The following TNKS variants were observed in gnomAD, a reference collection of about 807,000 sequenced individuals.
TNKS encodes tankyrase.
TNKS carries 72 observed loss-of-function variants against 135.8 expected under a neutral mutation model. That is an observed-to-expected ratio of 0.53 (90% CI 0.44 to 0.64). The LOEUF (loss-of-function observed/expected upper bound fraction) is 0.64, where lower values mean the gene tolerates loss of function less well. TNKS is among the 30% of genes least tolerant of loss of function. TNKS has a pLI of 0.00. For synonymous variants in TNKS, 849 were observed against 649.3 expected, an observed-to-expected ratio of 1.31 and a Z score of -4.68; for missense variants, 1,769 against 1,674.0, an observed-to-expected ratio of 1.06 and a Z score of -0.99.
At chr8:9,731,939 C>T (rs1229329856) in intron 14 of TNKS, among the ~76,000 whole-genome samples, 1 of 152,114 alleles carries the variant, frequency 6.6e-6, no homozygotes, top group African/African-American at 2.4e-5. Flanking sequence ...AGGCGCCCGT[C>T]ACCACGCCCG....
intron 3 of TNKS, among the ~76,000 whole-genome samples, chr8:9,667,241 G>A (rs1205867233): frequency 6.6e-6 from 1 of 152,146 alleles, no homozygotes; most frequent in East Asian, 1.9e-4. Flanking sequence ...ACTCATTTTT[G>A]TTTAAACCAG....
chr8:9,687,967 G>T (rs142145429), intron 5 of TNKS, among the ~76,000 whole-genome samples: 93 of 152,298 alleles, frequency 6.1e-4, no homozygotes, highest in African/African-American at 2.1e-3. Context: ...AACTACAGCA[G>T]TAGCTGGAAA....
chr8:9,670,836 A>G (rs935961557), intron 3 of TNKS: 1 of 152,202 alleles, frequency 6.6e-6, no homozygotes, highest in South Asian at 2.1e-4. Context: ...TTTTTAGTTT[A>G]TGTGTTATCC....
At chr8:9,665,838 A>G (rs1418460312) in intron 3 of TNKS, among the ~76,000 whole-genome samples, 1 of 152,124 alleles carries the variant, frequency 6.6e-6, no homozygotes, top group African/African-American at 2.4e-5. Context: ...GAAAGGCCTC[A>G]TGTTGCCTTA....
At chr8:9,647,906 G>A (rs1800976490) in intron 3 of TNKS, among the ~76,000 whole-genome samples, 2 of 152,190 alleles carry the variant, frequency 1.3e-5, no homozygotes, top group South Asian at 4.1e-4. Flanking sequence ...ATATGGTATA[G>A]CCTGTTGCTC....
At position 9,746,881 on chromosome 8, in the gene TNKS, C is replaced by CTTTTTTTTTTTTTTTTTT. The variant is rs10672387; in HGVS notation, c.2644-1141_2644-1124dup. On this transcript the variant is annotated intron_variant, in intron 17 of 26. Coordinates refer to ENST00000310430, the MANE Select transcript of TNKS (RefSeq NM_003747.3). ...TCTGAGAGTTTCATACCTACTTAAA[C>CTTTTTTTTTTTTTTTTTT]TTTTTTTTTTTTTTTTTTTGAGACG... is the stretch of plus-strand genomic sequence containing the variant. 4.5e-4 allele frequency among the ~76,000 whole-genome samples: 53 copies of CTTTTTTTTTTTTTTTTTT among 117,186 alleles called. 2 individuals carry two copies. The highest frequency in any genetic ancestry group is 1.9e-3 in the African/African-American group (53 of 27,536). The allele number at this position is 117,186 out of a possible 152,430, so 76.9% of individuals were successfully genotyped here.
Position 9,629,733 on chromosome 8 carries a change from A to C in TNKS, c.994+14056A>C, listed in dbSNP as rs534362693. Among the ~76,000 whole-genome samples, 92 of 152,318 alleles carry C rather than the reference A, an allele frequency of 6.0e-4. No homozygotes were observed. The South Asian group carries it at 9.3e-3, about 15-fold the overall frequency. Reference sequence around the variant, plus strand: ...AGTCTCGCTCTGTCGCCCAGGCTGGAGTGCAGTGGTGTCATCTCGGCTCAC... The same window carrying C: ...AGTCTCGCTCTGTCGCCCAGGCTGGCGTGCAGTGGTGTCATCTCGGCTCAC... On this transcript the variant is annotated intron_variant, in intron 3 of 26. Coordinates refer to ENST00000310430, the MANE Select transcript of TNKS (RefSeq NM_003747.3).
At chr8:9,628,557 A>C (rs965051940) in intron 3 of TNKS, among the ~76,000 whole-genome samples, 1 of 151,250 alleles carries the variant, frequency 6.6e-6, no homozygotes, top group African/African-American at 2.4e-5. Flanking sequence ...CTTTCTCATG[A>C]TGATTCTTTC....
intron 3 of TNKS, among the ~76,000 whole-genome samples, chr8:9,623,164 A>T (rs1276982925): frequency 6.6e-6 from 1 of 152,192 alleles, no homozygotes; most frequent in South Asian, 2.1e-4. Flanking sequence ...GATAATGGGG[A>T]ATATCATAAA....
intron 21 of TNKS, 130 bp from the exon 22 acceptor site, chr8:9,763,017 T>A (rs1426294365): frequency 2.4e-6 from 1 of 417,444 alleles, no homozygotes; most frequent in Admixed American, 4.3e-5. Flanking sequence ...AGGTTCAAAT[T>A]GCAGATAGTT....
intron 3 of TNKS, among the ~76,000 whole-genome samples, chr8:9,664,814 G>A (rs913049860): frequency 5.9e-5 from 9 of 152,150 alleles, no homozygotes; most frequent in African/African-American, 2.2e-4. Context: ...GACTCTAGAA[G>A]AGACCTTAAA....
At chr8:9,701,487 C>T (rs930785284) in intron 5 of TNKS, among the ~76,000 whole-genome samples, 6 of 152,132 alleles carry the variant, frequency 3.9e-5, no homozygotes, top group East Asian at 3.9e-4. Flanking sequence ...CAAAGCAGTC[C>T]TTGTCTGTGG....
intron 2 of TNKS, among the ~76,000 whole-genome samples, chr8:9,609,758 T>A (rs1184910682): frequency 6.6e-6 from 1 of 152,228 alleles, no homozygotes; most frequent in African/African-American, 2.4e-5. Flanking sequence ...TAAGCTACTC[T>A]GCCGTTACTG....
At chr8:9,689,928 G>C (rs190076021) in intron 5 of TNKS, among the ~76,000 whole-genome samples, 60 of 152,286 alleles carry the variant, frequency 3.9e-4, no homozygotes, top group African/African-American at 1.4e-3. Flanking sequence ...TGTCCATTAC[G>C]TAGAATCTTT....
intron 3 of TNKS, among the ~76,000 whole-genome samples, chr8:9,617,323 T>G (rs898753407): frequency 1.3e-5 from 2 of 152,196 alleles, no homozygotes; most frequent in Non-Finnish European, 2.9e-5. Context: ...ACACTGTACT[T>G]TGCTTAGATA....
chr8:9,576,784 T>C (rs1797966604), intron 1 of TNKS, among the ~76,000 whole-genome samples: 1 of 152,052 alleles, frequency 6.6e-6, no homozygotes, highest in East Asian at 1.9e-4. Flanking sequence ...TTATCAACCT[T>C]CCACTAATAT....
intron 20 of TNKS, among the ~76,000 whole-genome samples, chr8:9,757,297 C>G (rs1407105863): frequency 6.6e-6 from 1 of 152,074 alleles, no homozygotes; most frequent in African/African-American, 2.4e-5. Flanking sequence ...ACTTCTAAGC[C>G]TCTTAGTTTG....
intron 5 of TNKS, among the ~76,000 whole-genome samples, chr8:9,703,699 GCA>G (rs1219302299): frequency 1.3e-5 from 2 of 152,136 alleles, no homozygotes; most frequent in Non-Finnish European, 1.5e-5. Flanking sequence ...AATAGGTGAA[GCA>G]AATAAATTAA....
chr8:9,701,421 A>G (rs1404808498), intron 5 of TNKS, among the ~76,000 whole-genome samples: 4 of 152,218 alleles, frequency 2.6e-5, no homozygotes, highest in African/African-American at 7.2e-5. Flanking sequence ...CTTTTTATGT[A>G]ATATTAAATA....
Sources: allele counts gnomAD v4.1 joint callset (sites outside exome capture counted in the v4.1 genomes callset), GRCh38; gene constraint gnomAD v4.1.1; transcripts MANE v1.5; gene names NCBI Gene and HGNC (gene_info 2026-07-23, HGNC 2026-07-21).